The following SH3TC1 variants were observed in gnomAD, a reference collection of about 807,000 sequenced individuals.
SH3TC1 encodes SH3 domain and tetratricopeptide repeats 1, also known as SH3 domain and tetratricopeptide repeat-containing protein 1.
SH3TC1 carries 135 observed loss-of-function variants against 117.3 expected under a neutral mutation model. That is an observed-to-expected ratio of 1.15 (90% CI 1.00 to 1.33). The LOEUF is 1.33. Ranked by LOEUF, SH3TC1 falls within the 40% of genes most tolerant of loss-of-function variation. SH3TC1 has a pLI of 0.00. For synonymous variants in SH3TC1, 898 were observed against 816.9 expected (o/e 1.10, Z -1.69); for missense variants, 2,092 against 1,794.3 (o/e 1.17, Z -3.00).
rs58753240 is a variant in SH3TC1 at position 8,206,832 on chromosome 4, CGTGTGTGTGT to C, written c.172+1494_172+1503del. Among the ~76,000 whole-genome samples, 1,533 of 144,744 alleles carry C rather than the reference CGTGTGTGTGT, an allele frequency of 0.011. 17 individuals are homozygous for C. The highest frequency in any genetic ancestry group is 0.037 in the African/African-American group (1,454 of 39,292). 95.0% of individuals were successfully genotyped at this position (144,744 alleles called of 152,430 possible). A position where few individuals can be genotyped will look rare whatever the true frequency, so the allele number is the denominator to read the frequency against. Reference sequence around the variant, plus strand: ...AGGACTTTTACTTTGTGTGTGTACTCGTGTGTGTGTGTGTGTGTGTGTGTGTGTGTGTGTG... The same window carrying C: ...AGGACTTTTACTTTGTGTGTGTACTCGTGTGTGTGTGTGTGTGTGTGTGTG... On this transcript the variant is annotated intron_variant, in intron 2 of 17. Coordinates refer to ENST00000245105, the MANE Select transcript of SH3TC1 (RefSeq NM_018986.5). This position sits in a 1 kb window ranked among gnomAD's most constrained non-coding sequence, Gnocchi z 5.5.
chr4:8,231,024 C>G (rs989118539), intron 12 of SH3TC1: 5 of 152,280 alleles, frequency 3.3e-5, no homozygotes, highest in Admixed American at 2.6e-4. Context: ...TCAAGCGATC[C>G]TCCCGCCTCG....
chr4:8,217,093 AC>A lies in SH3TC1; in HGVS notation c.767del (p.Pro256ArgfsTer20), dbSNP rs1325837680. The A allele has an allele frequency of 6.2e-7, 1 of 1,612,360 alleles. No individual in the cohort carries two copies. Reference sequence around the variant, plus strand: ...AGGCGGCCCCGGAAACAGACTCTTCACCGCCGAGCCCCAGCGTGTCCTCCGA... The same window carrying A: ...AGGCGGCCCCGGAAACAGACTCTTCACGCCGAGCCCCAGCGTGTCCTCCGA... ...GEAAPETDSS[P>X]PSPSVSSEEV... is the part of the protein sequence containing the mutation. On this transcript the variant is annotated frameshift_variant, in exon 7 of 18. Coordinates refer to ENST00000245105, the MANE Select transcript of SH3TC1 (RefSeq NM_018986.5). LOFTEE classifies it high-confidence loss of function.
At chr4:8,185,007 C>T (rs952459364) in intron 1 of SH3TC1, among the ~76,000 whole-genome samples, 17 of 150,962 alleles carry the variant, frequency 1.1e-4, no homozygotes, top group African/African-American at 3.7e-4. Context: ...CCCTGTCTGC[C>T]TAGGTTTGTT....
chr4:8,184,240 C>G (rs1561669047), intron 1 of SH3TC1, among the ~76,000 whole-genome samples: 1 of 152,230 alleles, frequency 6.6e-6, no homozygotes, highest in Non-Finnish European at 1.5e-5. Flanking sequence ...AGCTCTGCCC[C>G]ACCAGCAATC....
At chr4:8,233,205 C>T (rs1436538360) in intron 13 of SH3TC1, 158 bp from the exon 14 acceptor site, 3 of 1,412,422 alleles carry the variant, frequency 2.1e-6, no homozygotes, top group East Asian at 5.2e-5. Flanking sequence ...GTGTTCAACC[C>T]CACCCTCTCA....
chr4:8,219,813 G>C (rs541232165), intron 9 of SH3TC1, among the ~76,000 whole-genome samples: 2 of 152,200 alleles, frequency 1.3e-5, no homozygotes, highest in South Asian at 2.1e-4. Context: ...GGCACTGCAC[G>C]CCGGGGGCTT....
rs1718862206 is a variant in SH3TC1 at position 8,212,738 on chromosome 4, C to A, written c.285C>A (p.Ser95Arg). ...TLQLLAVRRK[S>R]RLRDPGLQQT... ...AGCTGCTGGCTGTGCGGAGGAAGAG[C>A]AGACTGCGGGACCCCGGCCTACAGC... is the stretch of plus-strand genomic sequence containing the variant. The change falls in exon 4 of 18, where the codon AGC becomes AGA. Residue 95 changes from serine to arginine, a missense_variant. Transcript: ENST00000245105. 6.2e-7 allele frequency: 1 copy of A among 1,612,904 alleles called. No individual in the cohort carries two copies. The highest frequency in any genetic ancestry group is 8.5e-7 in the Non-Finnish European group (1 of 1,179,936).
Position 8,210,017 on chromosome 4 carries a change from C to G in SH3TC1, c.247+195C>G, listed in dbSNP as rs28617743. On this transcript the variant is annotated intron_variant, in intron 3 of 17. Transcript: ENST00000245105. This position sits in a 1 kb window ranked among gnomAD's most constrained non-coding sequence, Gnocchi z 4.1. ...CCTGCACCCAGAGGGGGACATGGCC[C>G]CTGGGGCTCCCCTAGGCATCCCTGT... 0.024 allele frequency among the ~76,000 whole-genome samples: 3,645 copies of G among 152,284 alleles called. 114 individuals are homozygous for G. The highest frequency in any genetic ancestry group is 0.069 in the African/African-American group (2,865 of 41,552).
At chr4:8,198,263 A>G (rs1717626489), upstream of SH3TC1, among the ~76,000 whole-genome samples, 1 of 152,104 alleles carries the variant, frequency 6.6e-6, no homozygotes, top group African/African-American at 2.4e-5. Context: ...CCTGAGCCTT[A>G]GTTTTCCTGT....
Position 8,209,598 on chromosome 4 carries a change from A to G in SH3TC1, c.173-150A>G, listed in dbSNP as rs1247425969. The G allele has an allele frequency of 6.5e-7, 1 of 1,529,092 alleles. No homozygotes were observed. The highest frequency in any genetic ancestry group is 8.8e-7 in the Non-Finnish European group (1 of 1,139,958). 94.7% of individuals were successfully genotyped at this position (1,529,092 alleles called of 1,614,324 possible). ...CTTCCCTCCTTGCTGGGCTCTGGGG[A>G]GACTGGAGGAAGGCAGCTGTGGGAA... On this transcript the variant is annotated intron_variant, in intron 2 of 17. Transcript: ENST00000245105. This position sits in a 1 kb window ranked among gnomAD's most constrained non-coding sequence, Gnocchi z 5.9.
chr4:8,212,580 C>G, intron 3 of SH3TC1, 121 bp from the exon 4 acceptor site: 1 of 1,389,370 alleles, frequency 7.2e-7, no homozygotes, highest in Middle Eastern at 2.3e-4. Context: ...TCCCCAGGAG[C>G]TCACTGCCCA....
At chr4:8,221,078 C>A (rs887382328) in intron 9 of SH3TC1, among the ~76,000 whole-genome samples, 15 of 152,222 alleles carry the variant, frequency 9.9e-5, no homozygotes, top group Admixed American at 2.0e-4. Context: ...ACTTAACCTC[C>A]AGAATCCTCC....
At chr4:8,235,793 T>G in intron 15 of SH3TC1, 1 of 446,250 alleles carries the variant, frequency 2.2e-6, no homozygotes, top group Non-Finnish European at 3.8e-6. Flanking sequence ...CAAGCAACCT[T>G]GAGTGGGAAG....
At chr4:8,223,187 G>C (rs546921271) in intron 10 of SH3TC1, among the ~76,000 whole-genome samples, 1 of 152,354 alleles carries the variant, frequency 6.6e-6, no homozygotes, top group African/African-American at 2.4e-5. Context: ...TGTGGCCCCT[G>C]AGACTCCTGT....
At chr4:8,228,727 G>A (rs377201257) in intron 12 of SH3TC1, 83 bp downstream of exon 12, 56 of 1,217,068 alleles carry the variant, frequency 4.6e-5, no homozygotes, top group Middle Eastern at 2.9e-4. Flanking sequence ...AGACACAAGC[G>A]GTGGTTTTTC....
intron 10 of SH3TC1, among the ~76,000 whole-genome samples, chr4:8,224,051 A>G (rs73224055): frequency 6.6e-6 from 1 of 151,924 alleles, no homozygotes; most frequent in Non-Finnish European, 1.5e-5. Flanking sequence ...GTATACACAC[A>G]CACACACCCA....
At chr4:8,224,778 C>A in intron 10 of SH3TC1, 1 of 216,432 alleles carries the variant, frequency 4.6e-6, no homozygotes, top group Non-Finnish European at 9.3e-6. Flanking sequence ...GCGCCCTGCT[C>A]CCTGATGGAG....
At position 8,225,216 on chromosome 4, in the gene SH3TC1, G is replaced by C. The variant is rs759136517; in HGVS notation, c.1285G>C (p.Glu429Gln). 2 of 1,613,560 alleles carry C rather than the reference G, an allele frequency of 1.2e-6. No homozygotes were observed. Among genetic ancestry groups the C allele is most frequent in the South Asian group, 2.2e-5 (2 of 90,926 alleles). ...EAETEQPQEK[E>Q]IPPPCLSLEP... Reference sequence around the variant, plus strand: ...TGAGACCGAGCAGCCGCAGGAAAAAGGTGGGTTTTGCCAGTGGCTCAGGCT... The same window carrying C: ...TGAGACCGAGCAGCCGCAGGAAAAACGTGGGTTTTGCCAGTGGCTCAGGCT... Residue 429 changes from glutamate (E) to glutamine (Q), a missense_variant and splice_region_variant, in exon 11 of 18, where the codon GAA becomes CAA. Coordinates refer to ENST00000245105, the MANE Select transcript of SH3TC1 (RefSeq NM_018986.5). This position sits in a 1 kb window ranked among gnomAD's most constrained non-coding sequence, Gnocchi z 5.5.
intron 12 of SH3TC1, among the ~76,000 whole-genome samples, chr4:8,229,710 G>T (rs1479492266): frequency 6.6e-6 from 1 of 151,820 alleles, no homozygotes; most frequent in Non-Finnish European, 1.5e-5. Context: ...AGGAGGAGTG[G>T]GGGGGTTCAG....
Sources: gnomAD v4.1 joint callset for allele counts (sites outside exome capture counted in the v4.1 genomes callset) on GRCh38, gnomAD v4.1.1 for gene constraint, Gnocchi (gnomAD v3.1) non-coding constraint, MANE v1.5 for transcripts, NCBI Gene and HGNC (gene_info 2026-07-23, HGNC 2026-07-21) for gene names.